Variants in KDM4C observed in about 807,000 individuals in gnomAD.
KDM4C encodes the protein lysine demethylase 4C.
In KDM4C, 81 loss-of-function variants were observed where a neutral mutation model predicts 129.3. The ratio of observed to expected loss-of-function variants is 0.63; its 90% CI spans 0.52 to 0.75. The LOEUF is 0.75. Ranked by LOEUF, KDM4C falls within the 30% of genes least tolerant of loss-of-function variation. The probability of loss-of-function intolerance (pLI) is 0.00; values close to 1 mark genes in which losing one functional copy is unlikely to be tolerated. For synonymous variants in KDM4C, 573 were observed against 456.1 expected (o/e 1.26, Z -3.26); for missense variants, 1,457 against 1,304.0 (o/e 1.12, Z -1.81).
At chr9:6,914,468 CT>C (rs896722685) in intron 8 of KDM4C, among the ~76,000 whole-genome samples, 2 of 152,190 alleles carry the variant, frequency 1.3e-5, no homozygotes, top group African/African-American at 4.8e-5. Flanking sequence ...ATGCCACATG[CT>C]TTTGGTAAGA....
At chr9:6,998,042 C>T (rs1314117578) in intron 12 of KDM4C, among the ~76,000 whole-genome samples, 3 of 152,178 alleles carry the variant, frequency 2.0e-5, no homozygotes. Context: ...GGTTTTGGGT[C>T]TGATTTTCTC....
chr9:7,017,028 T>A (rs187534077), intron 15 of KDM4C, among the ~76,000 whole-genome samples: 8 of 151,904 alleles, frequency 5.3e-5, no homozygotes, highest in African/African-American at 1.9e-4. Flanking sequence ...CTCGAACTCC[T>A]GGGCTCAAGT....
chr9:6,956,120 G>A (rs1426410650), intron 8 of KDM4C, among the ~76,000 whole-genome samples: 1 of 152,088 alleles, frequency 6.6e-6, no homozygotes, highest in African/African-American at 2.4e-5. Flanking sequence ...TGGGGGTGGT[G>A]ATGGGGAGGT....
chr9:7,124,182 G>A (rs1839795064), intron 18 of KDM4C, among the ~76,000 whole-genome samples: 2 of 152,194 alleles, frequency 1.3e-5, no homozygotes, highest in Non-Finnish European at 2.9e-5. Flanking sequence ...AGAGTAATCA[G>A]CTTATAATGC....
intron 18 of KDM4C, among the ~76,000 whole-genome samples, chr9:7,126,718 C>T (rs903680506): frequency 1.2e-4 from 18 of 152,184 alleles, no homozygotes; most frequent in African/African-American, 4.3e-4. Flanking sequence ...AAGAGCATAC[C>T]TAAGCACCTG....
chr9:7,168,098 G>A (rs1191969434), intron 20 of KDM4C, among the ~76,000 whole-genome samples: 1 of 152,130 alleles, frequency 6.6e-6, no homozygotes, highest in Non-Finnish European at 1.5e-5. Context: ...TGAGGCAGAA[G>A]AATCACTTGA....
chr9:6,805,486 T>A, intron 2 of KDM4C, 113 bp from the exon 3 acceptor site: 1 of 624,896 alleles, frequency 1.6e-6, no homozygotes, highest in Non-Finnish European at 2.5e-6. Context: ...TTTTTACACA[T>A]TTGTCATAGA....
chr9:6,866,715 G>A (rs111803637), intron 5 of KDM4C, among the ~76,000 whole-genome samples: 39 of 152,138 alleles, frequency 2.6e-4, no homozygotes, highest in African/African-American at 9.2e-4. Flanking sequence ...TGTAGAAACC[G>A]TGAGTGGGGG....
At chr9:7,089,822 G>A (rs1426704161) in intron 17 of KDM4C, among the ~76,000 whole-genome samples, 1 of 152,166 alleles carries the variant, frequency 6.6e-6, no homozygotes, top group Non-Finnish European at 1.5e-5. Flanking sequence ...TTGCTGGCTC[G>A]GCCTTTCCTT....
chr9:7,100,661 T>C (rs1400802761), intron 17 of KDM4C, among the ~76,000 whole-genome samples: 2 of 152,228 alleles, frequency 1.3e-5, no homozygotes, highest in African/African-American at 4.8e-5. Flanking sequence ...AGAAACATCA[T>C]GTTAAAAACA....
intron 18 of KDM4C, among the ~76,000 whole-genome samples, chr9:7,121,242 A>G (rs909422988): frequency 1.3e-5 from 2 of 152,142 alleles, no homozygotes; most frequent in South Asian, 2.1e-4. Context: ...TGCCTCATGC[A>G]TCTGTGGTCA....
intron 19 of KDM4C, among the ~76,000 whole-genome samples, chr9:7,143,696 G>T (rs2129937249): frequency 6.6e-6 from 1 of 152,226 alleles, no homozygotes; most frequent in South Asian, 2.1e-4. Context: ...GATTTGACAG[G>T]TTTTCAACAA....
At chr9:7,101,222 G>A (rs1359291922) in intron 17 of KDM4C, among the ~76,000 whole-genome samples, 1 of 151,996 alleles carries the variant, frequency 6.6e-6, no homozygotes, top group Non-Finnish European at 1.5e-5. Flanking sequence ...TTCTTTCATA[G>A]CATGTATTTC....
chr9:7,097,843 T>C (rs1836628773), intron 17 of KDM4C, among the ~76,000 whole-genome samples: 1 of 152,266 alleles, frequency 6.6e-6, no homozygotes, highest in Non-Finnish European at 1.5e-5. Context: ...TTTTGCAAAA[T>C]GATCTTACAT....
At chr9:7,117,209 A>G (rs1051034433) in intron 18 of KDM4C, among the ~76,000 whole-genome samples, 2 of 151,762 alleles carry the variant, frequency 1.3e-5, no homozygotes, top group Non-Finnish European at 1.5e-5. Flanking sequence ...TATGACTTGG[A>G]TTTGTTTACA....
chr9:6,863,607 T>A (rs1318504437), intron 5 of KDM4C, among the ~76,000 whole-genome samples: 2 of 151,838 alleles, frequency 1.3e-5, no homozygotes, highest in Non-Finnish European at 2.9e-5. Context: ...CCATCCTGGC[T>A]AACACGGTGA....
intron 5 of KDM4C, among the ~76,000 whole-genome samples, chr9:6,855,101 T>C (rs1299191431): frequency 1.3e-5 from 2 of 152,214 alleles, no homozygotes; most frequent in Non-Finnish European, 1.5e-5. Flanking sequence ...ATATATGTTG[T>C]ATGTATACAT....
chr9:6,746,889 C>T (rs934152105), intron 1 of KDM4C, among the ~76,000 whole-genome samples: 9 of 150,012 alleles, frequency 6.0e-5, no homozygotes, highest in African/African-American at 2.2e-4. Context: ...ACCTGTAGTC[C>T]CAGCTACTCG....
intron 4 of KDM4C, among the ~76,000 whole-genome samples, chr9:6,827,714 C>T (rs1375365539): frequency 6.6e-6 from 1 of 152,172 alleles, no homozygotes; most frequent in African/African-American, 2.4e-5. Flanking sequence ...ACACTAACTG[C>T]CTAAATTTCA....
Sources: allele counts gnomAD v4.1 joint callset (sites outside exome capture counted in the v4.1 genomes callset), GRCh38; gene constraint gnomAD v4.1.1; transcripts MANE v1.5; gene names NCBI Gene and HGNC (gene_info 2026-07-23, HGNC 2026-07-21).